Variants in HS3ST4 observed in about 807,000 individuals in gnomAD.
HS3ST4 encodes the protein heparan sulfate glucosamine 3-O-sulfotransferase 4.
A neutral mutation model predicts 29.2 loss-of-function variants in HS3ST4; 17 were observed. The ratio of observed to expected loss-of-function variants is 0.58; its 90% CI spans 0.40 to 0.87. The LOEUF (loss-of-function observed/expected upper bound fraction) is 0.87, where lower values mean the gene tolerates loss of function less well. Among genes scored for constraint, HS3ST4 ranks in the 40% least tolerant of loss-of-function variants. The pLI is 0.00. For missense variants in HS3ST4, 627 were observed against 634.5 expected, an observed-to-expected ratio of 0.99 and a Z score of 0.13; for synonymous variants, 314 against 285.7, an observed-to-expected ratio of 1.10 and a Z score of -1.00.
chr16:25,743,039 T>C (rs552586840), intron 1 of HS3ST4, among the ~76,000 whole-genome samples: 1 of 152,314 alleles, frequency 6.6e-6, no homozygotes, highest in South Asian at 2.1e-4. Context: ...ATTGAAGATA[T>C]CACAGAAGTA....
At position 25,979,401 on chromosome 16, in the gene HS3ST4, C is replaced by G. The variant is rs189713285; in HGVS notation, c.735-156211C>G. On this transcript the variant is annotated intron_variant, in intron 1 of 1. Coordinates refer to ENST00000331351, the MANE Select transcript of HS3ST4 (RefSeq NM_006040.3). Reference sequence around the variant, plus strand: ...GCTTCATTTGTATTTACAGCCACCCCCTATTGTTCACATTACCACCTGAGC... The same window carrying G: ...GCTTCATTTGTATTTACAGCCACCCGCTATTGTTCACATTACCACCTGAGC... Among the ~76,000 whole-genome samples, 185 of 152,222 alleles carry G rather than the reference C, an allele frequency of 1.2e-3. 1 individual carries two copies. Among genetic ancestry groups the G allele is most frequent in the African/African-American group, 4.4e-3 (183 of 41,530 alleles).
chr16:25,886,482 C>T (rs1002050354), intron 1 of HS3ST4, among the ~76,000 whole-genome samples: 7 of 152,118 alleles, frequency 4.6e-5, no homozygotes, highest in Non-Finnish European at 1.5e-5. Flanking sequence ...AACATCTGGC[C>T]AAGTTATCAT....
chr16:25,871,760 A>G (rs150105698), intron 1 of HS3ST4, among the ~76,000 whole-genome samples: 2 of 152,266 alleles, frequency 1.3e-5, no homozygotes, highest in East Asian at 3.9e-4. Flanking sequence ...CTATCTTTCT[A>G]TCTTACTGGG....
chr16:26,105,849 C>G (rs752642830), intron 1 of HS3ST4, among the ~76,000 whole-genome samples: 1 of 152,230 alleles, frequency 6.6e-6, no homozygotes, highest in African/African-American at 2.4e-5. Flanking sequence ...GTGCACATAT[C>G]GAATTGCCTC....
At chr16:26,018,911 A>G (rs955839912) in intron 1 of HS3ST4, among the ~76,000 whole-genome samples, 1 of 151,838 alleles carries the variant, frequency 6.6e-6, no homozygotes, top group Non-Finnish European at 1.5e-5. Flanking sequence ...TTTAGTTTCA[A>G]TACAGTCACC....
intron 1 of HS3ST4, among the ~76,000 whole-genome samples, chr16:25,711,542 A>G (rs964836773): frequency 6.6e-5 from 10 of 152,296 alleles, no homozygotes; most frequent in Non-Finnish European, 1.5e-4. Context: ...GTGTTTGCTC[A>G]GTGACACAGT....
intron 1 of HS3ST4, among the ~76,000 whole-genome samples, chr16:25,715,807 G>A (rs1966450265): frequency 6.6e-6 from 1 of 152,218 alleles, no homozygotes; most frequent in Non-Finnish European, 1.5e-5. Flanking sequence ...CTCTGTCCAT[G>A]ATTTGCCCTA....
intron 1 of HS3ST4, among the ~76,000 whole-genome samples, chr16:25,935,913 CT>C (rs142594021): frequency 6.6e-6 from 1 of 151,644 alleles, no homozygotes; most frequent in Non-Finnish European, 1.5e-5. Context: ...AGATACTAGA[CT>C]TTTTTTTAAT....
chr16:25,795,798 A>T (rs138244389), intron 1 of HS3ST4, among the ~76,000 whole-genome samples: 44 of 152,244 alleles, frequency 2.9e-4, no homozygotes, highest in African/African-American at 9.9e-4. Flanking sequence ...TGTGTGGCTC[A>T]GTCTATCTTT....
chr16:25,783,497 T>G, intron 1 of HS3ST4, among the ~76,000 whole-genome samples: 1 of 151,626 alleles, frequency 6.6e-6, no homozygotes, highest in Non-Finnish European at 1.5e-5. Flanking sequence ...GCCAGTGGCA[T>G]AATGACAATT....
At chr16:25,921,693 C>A (rs954128873) in intron 1 of HS3ST4, among the ~76,000 whole-genome samples, 1 of 152,034 alleles carries the variant, frequency 6.6e-6, no homozygotes, top group African/African-American at 2.4e-5. Context: ...ACCCAACAAA[C>A]CTTAGCCTTT....
intron 1 of HS3ST4, among the ~76,000 whole-genome samples, chr16:26,020,947 G>T (rs558741370): frequency 5.8e-4 from 88 of 152,194 alleles, no homozygotes; most frequent in Non-Finnish European, 1.1e-3. Flanking sequence ...AATGGGGATG[G>T]TTGGTAAGAA....
intron 1 of HS3ST4, among the ~76,000 whole-genome samples, chr16:26,004,293 C>T (rs945557871): frequency 2.6e-5 from 4 of 152,142 alleles, no homozygotes; most frequent in African/African-American, 4.8e-5. Context: ...GCAACAGGTA[C>T]ACTTTTTTTC....
intron 1 of HS3ST4, among the ~76,000 whole-genome samples, chr16:25,758,649 A>G (rs183780392): frequency 2.0e-5 from 3 of 152,260 alleles, no homozygotes; most frequent in African/African-American, 7.2e-5. Context: ...TTTATGCCAT[A>G]TGAAGGGAGA....
At chr16:25,895,487 C>G (rs1164145276) in intron 1 of HS3ST4, among the ~76,000 whole-genome samples, 1 of 151,432 alleles carries the variant, frequency 6.6e-6, no homozygotes. Context: ...GTCAGGGGCT[C>G]GATAAGCAGG....
intron 1 of HS3ST4, among the ~76,000 whole-genome samples, chr16:26,007,838 C>T (rs1969271792): frequency 6.6e-6 from 1 of 152,096 alleles, no homozygotes; most frequent in African/African-American, 2.4e-5. Flanking sequence ...AGCCTTTCTT[C>T]CCCCGCCCAC....
At chr16:25,834,903 C>T (rs942764603) in intron 1 of HS3ST4, among the ~76,000 whole-genome samples, 70 of 152,184 alleles carry the variant, frequency 4.6e-4, no homozygotes, top group African/African-American at 1.6e-3. Flanking sequence ...GCTGAGATCG[C>T]ACCACTGCAC....
At chr16:25,788,544 C>CTTTTTTT (rs565611368) in intron 1 of HS3ST4, among the ~76,000 whole-genome samples, 2 of 123,572 alleles carry the variant, frequency 1.6e-5, no homozygotes, top group Non-Finnish European at 3.2e-5. Flanking sequence ...TTTCTTCTTT[C>CTTTTTTT]TTTTTTTTTT....
intron 1 of HS3ST4, among the ~76,000 whole-genome samples, chr16:25,956,276 C>T (rs531946187): frequency 1.3e-5 from 2 of 152,312 alleles, no homozygotes; most frequent in South Asian, 2.1e-4. Flanking sequence ...GCCCTAGGCA[C>T]CTTCTTTTCA....
Sources: gnomAD v4.1 joint callset for allele counts (sites outside exome capture counted in the v4.1 genomes callset) on GRCh38, gnomAD v4.1.1 for gene constraint, MANE v1.5 for transcripts, NCBI Gene and HGNC (gene_info 2026-07-23, HGNC 2026-07-21) for gene names.